Variants in NRG1 observed in about 807,000 individuals in gnomAD.
The protein encoded by NRG1 is neuregulin 1.
NRG1 carries 18 observed loss-of-function variants against 63.8 expected under a neutral mutation model. That is an observed-to-expected ratio of 0.28 (90% confidence interval 0.19 to 0.42). The LOEUF (loss-of-function observed/expected upper bound fraction) is 0.42. Ranked by LOEUF, NRG1 falls within the 10% of genes least tolerant of loss-of-function variation. The pLI is 1.00. For synonymous variants in NRG1, 302 were observed against 301.3 expected, an observed-to-expected ratio of 1.00 and a Z score of -0.02; for missense variants, 762 against 814.7, an observed-to-expected ratio of 0.94 and a Z score of 0.79.
At chr8:31,813,516 C>CTTTTCTTTTCTTTTCTTTTCT in intron 1 of NRG1, among the ~76,000 whole-genome samples, 1,394 of 101,182 alleles carry the variant, frequency 0.014, 18 homozygotes, top group East Asian at 0.022. Flanking sequence ...CTTTTCTTTT[C>CTTTTCTTTTCTTTTCTTTTCT]TTTTTTTTTT....
At chr8:32,549,362 A>G (rs539435105) in intron 1 of NRG1, among the ~76,000 whole-genome samples, 1 of 152,196 alleles carries the variant, frequency 6.6e-6, no homozygotes, top group Non-Finnish European at 1.5e-5. Context: ...GGCACAGGGC[A>G]AGCGATGTAG....
intron 1 of NRG1, among the ~76,000 whole-genome samples, chr8:32,304,237 A>G (rs1264034505): frequency 6.6e-6 from 1 of 152,268 alleles, no homozygotes; most frequent in Non-Finnish European, 1.5e-5. Context: ...GTACCAGTGA[A>G]TGGAACAGCA....
intron 1 of NRG1, among the ~76,000 whole-genome samples, chr8:32,000,425 C>A (rs1188276140): frequency 6.6e-6 from 1 of 151,540 alleles, no homozygotes; most frequent in Non-Finnish European, 1.5e-5. Flanking sequence ...CACCACCATG[C>A]CTGGCTAATA....
At chr8:31,809,382 G>A (rs186656160) in intron 1 of NRG1, among the ~76,000 whole-genome samples, 9 of 132,524 alleles carry the variant, frequency 6.8e-5, no homozygotes, top group African/African-American at 2.2e-4. Context: ...GTATATATAC[G>A]TGTATATATA....
chr8:32,156,172 C>A (rs1838040662), intron 1 of NRG1, among the ~76,000 whole-genome samples: 1 of 152,174 alleles, frequency 6.6e-6, no homozygotes, highest in South Asian at 2.1e-4. Context: ...AGTTCCTCCT[C>A]CTCACTATCC....
intron 1 of NRG1, among the ~76,000 whole-genome samples, chr8:32,520,850 G>A (rs1830271783): frequency 6.6e-6 from 1 of 152,178 alleles, no homozygotes; most frequent in African/African-American, 2.4e-5. Context: ...CTGGGGACAT[G>A]AATCCTCTCT....
chr8:31,920,273 G>A (rs534597536), intron 1 of NRG1, among the ~76,000 whole-genome samples: 24 of 147,198 alleles, frequency 1.6e-4, no homozygotes, highest in Admixed American at 1.0e-3. Context: ...AATTACTGTC[G>A]CTGATTGGAA....
chr8:32,567,004 G>A (rs1324431450), intron 1 of NRG1, among the ~76,000 whole-genome samples: 4 of 152,102 alleles, frequency 2.6e-5, no homozygotes, highest in African/African-American at 4.8e-5. Context: ...CACCACACCC[G>A]GCTAATTTTT....
intron 5 of NRG1, among the ~76,000 whole-genome samples, chr8:32,649,589 CT>C (rs1380826344): frequency 6.6e-6 from 1 of 152,098 alleles, no homozygotes; most frequent in South Asian, 2.1e-4. Context: ...TAAAGAATAC[CT>C]TTTCCAGACA....
intron 1 of NRG1, among the ~76,000 whole-genome samples, chr8:31,820,711 C>T (rs2129603476): frequency 6.6e-6 from 1 of 152,298 alleles, no homozygotes; most frequent in Admixed American, 6.5e-5. Context: ...AAAAGTTACA[C>T]ATTTCTTGAG....
intron 1 of NRG1, among the ~76,000 whole-genome samples, chr8:32,338,726 G>T (rs1476457236): frequency 6.6e-6 from 1 of 152,118 alleles, no homozygotes; most frequent in Non-Finnish European, 1.5e-5. Context: ...GAAATATATA[G>T]TTGCTATCAG....
intron 7 of NRG1, among the ~76,000 whole-genome samples, chr8:32,773,039 CTGA>C (rs1400224025): frequency 1.3e-5 from 2 of 152,154 alleles, no homozygotes; most frequent in African/African-American, 4.8e-5. Flanking sequence ...CTTCCCTTCA[CTGA>C]TACCTCTGAT....
At position 31,706,810 on chromosome 8, in the gene NRG1, T is replaced by G. The variant is rs75565597; in HGVS notation, c.37+67379T>G. On this transcript the variant is annotated intron_variant, in intron 1 of 10. Transcript: ENST00000519301. ...TTATTATGAGTGAAGTAACATATTT[T>G]CATATATTTGAGTGATGTTCCTCTA... 4.5e-3 allele frequency among the ~76,000 whole-genome samples: 688 copies of G among 152,312 alleles called. 8 individuals carry two copies. The highest frequency in any genetic ancestry group is 0.015 in the African/African-American group (644 of 41,574).
chr8:32,700,313 T>A (rs2919385), intron 5 of NRG1, among the ~76,000 whole-genome samples: 2 of 152,156 alleles, frequency 1.3e-5, no homozygotes, highest in Non-Finnish European at 2.9e-5. Context: ...GAAATAATTT[T>A]GGCAATACTG....
intron 5 of NRG1, among the ~76,000 whole-genome samples, chr8:32,619,327 G>A (rs72612115): frequency 0.1 from 15,664 of 152,134 alleles, 1,889 homozygotes; most frequent in East Asian, 0.51. Context: ...GCCGTGTAGG[G>A]GACCATAAGG....
intron 1 of NRG1, among the ~76,000 whole-genome samples, chr8:32,308,417 C>G (rs1856462639): frequency 6.6e-6 from 1 of 152,188 alleles, no homozygotes. Context: ...CTCTTCTCTG[C>G]CAGATATTGA....
intron 1 of NRG1, chr8:32,287,139 A>C (rs961047449): frequency 1.3e-5 from 2 of 152,234 alleles, no homozygotes; most frequent in Middle Eastern, 3.2e-3. Context: ...TAAGACAACA[A>C]GTCTCTGTGT....
At chr8:32,483,801 G>A (rs930765729) in intron 1 of NRG1, among the ~76,000 whole-genome samples, 5 of 152,024 alleles carry the variant, frequency 3.3e-5, no homozygotes, top group South Asian at 2.1e-4. Context: ...GTCCACCGAC[G>A]TTAGAAAGTT....
intron 1 of NRG1, among the ~76,000 whole-genome samples, chr8:32,483,970 T>G (rs1825616846): frequency 6.6e-6 from 1 of 151,700 alleles, no homozygotes; most frequent in Non-Finnish European, 1.5e-5. Context: ...AGGCGTGGTG[T>G]CAGGCGCCTG....
Sources: allele counts gnomAD v4.1 joint callset (sites outside exome capture counted in the v4.1 genomes callset), GRCh38; gene constraint gnomAD v4.1.1; transcripts MANE v1.5; gene names NCBI Gene and HGNC (gene_info 2026-07-23, HGNC 2026-07-21).